Variants in MAEL observed in about 807,000 individuals in gnomAD.
MAEL encodes the protein protein maelstrom homolog.
MAEL carries 46 observed loss-of-function variants against 62.0 expected under a neutral mutation model. That is an observed-to-expected ratio of 0.74 (90% CI 0.59 to 0.95). The LOEUF (loss-of-function observed/expected upper bound fraction) is 0.95, where lower values mean the gene tolerates loss of function less well. Among genes scored for constraint, MAEL ranks in the 40% least tolerant of loss-of-function variants. The pLI, the probability that MAEL is intolerant of heterozygous loss-of-function variation, is 0.00. For synonymous variants in MAEL, 172 were observed against 175.5 expected, an observed-to-expected ratio of 0.98 and a Z score of 0.16; for missense variants, 497 against 526.8, an observed-to-expected ratio of 0.94 and a Z score of 0.55.
At chr1:166,994,094 A>T (rs757495827) in intron 5 of MAEL, 25 bp downstream of exon 5, 1 of 1,604,360 alleles carries the variant, frequency 6.2e-7, no homozygotes, top group East Asian at 2.2e-5. Context: ...ATGGGGTAGG[A>T]TTTGTGACTT....
chr1:166,995,162 A>G (rs1323301713), intron 5 of MAEL, among the ~76,000 whole-genome samples: 1 of 152,022 alleles, frequency 6.6e-6, no homozygotes, highest in African/African-American at 2.4e-5. Context: ...ATATGTACTA[A>G]TTCTTTATTT....
At chr1:166,996,088 C>T (rs947711282) in intron 5 of MAEL, among the ~76,000 whole-genome samples, 7 of 152,192 alleles carry the variant, frequency 4.6e-5, no homozygotes, top group East Asian at 3.9e-4. Context: ...TTGATAATCC[C>T]GGGAAATGTG....
rs75480637 is a variant in MAEL, at chr1:167,019,330, A to G, written c.1041+1371A>G. On this transcript the variant is annotated intron_variant, in intron 10 of 11. Coordinates refer to ENST00000367872, the MANE Select transcript of MAEL (RefSeq NM_032858.3). Reference sequence around the variant, plus strand: ...CTTCATCACCACTATCTGTGTTCACATCATCAGAATTAATCTCAATAATGT... The same window carrying G: ...CTTCATCACCACTATCTGTGTTCACGTCATCAGAATTAATCTCAATAATGT... 2.3e-3 allele frequency among the ~76,000 whole-genome samples: 346 copies of G among 152,278 alleles called. 9 individuals carry two copies. The East Asian group carries it at 0.059, about 26-fold the overall frequency.
intron 5 of MAEL, among the ~76,000 whole-genome samples, chr1:167,001,476 G>C (rs1057203595): frequency 4.6e-5 from 7 of 152,196 alleles, no homozygotes; most frequent in African/African-American, 1.7e-4. Flanking sequence ...TGAAGACTCA[G>C]GTGATCATTC....
At chr1:167,005,555 ATTG>A in intron 8 of MAEL, 158 bp downstream of exon 8, 1 of 619,618 alleles carries the variant, frequency 1.6e-6, no homozygotes, top group African/African-American at 1.9e-5. Context: ...AGTAAGATAT[ATTG>A]TTACTTGTGT....
intron 8 of MAEL, among the ~76,000 whole-genome samples, chr1:167,010,193 A>G (rs924067204): frequency 2.6e-5 from 4 of 152,120 alleles, no homozygotes; most frequent in Admixed American, 6.6e-5. Context: ...CCTTGTGAAG[A>G]AGGTGGCTGC....
intron 8 of MAEL, among the ~76,000 whole-genome samples, chr1:167,012,157 C>A (rs1163446736): frequency 1.3e-5 from 2 of 152,122 alleles, no homozygotes; most frequent in African/African-American, 4.8e-5. Flanking sequence ...GCAAATGAAA[C>A]TTATTCCAAC....
intron 1 of MAEL, among the ~76,000 whole-genome samples, chr1:166,978,488 T>C (rs1217838154): frequency 1.3e-5 from 2 of 152,176 alleles, no homozygotes; most frequent in Non-Finnish European, 2.9e-5. Flanking sequence ...GGTGATGGGA[T>C]ATGGCACCCA....
At chr1:167,006,621 A>ACT (rs1664915269) in intron 8 of MAEL, among the ~76,000 whole-genome samples, 2 of 84,308 alleles carry the variant, frequency 2.4e-5, no homozygotes, top group Non-Finnish European at 4.8e-5. Flanking sequence ...ATATATATAT[A>ACT]TATATATATA....
At chr1:166,990,286 A>G (rs571499848) in intron 2 of MAEL, 1 of 154,260 alleles carries the variant, frequency 6.5e-6, no homozygotes, top group East Asian at 1.9e-4. Flanking sequence ...GACACCTGAA[A>G]CAAAGCCAGC....
intron 1 of MAEL, among the ~76,000 whole-genome samples, chr1:166,980,564 A>G (rs1474418296): frequency 1.3e-5 from 2 of 152,186 alleles, no homozygotes; most frequent in Non-Finnish European, 2.9e-5. Flanking sequence ...GTGAGCAGTT[A>G]ATCAAGTTAA....
At chr1:167,003,511 T>TA (rs900307409) in intron 5 of MAEL, among the ~76,000 whole-genome samples, 12 of 152,198 alleles carry the variant, frequency 7.9e-5, no homozygotes, top group African/African-American at 2.4e-4. Context: ...TTGCTTAAGA[T>TA]ACCTGGGGGC....
At chr1:167,021,200 G>C in intron 11 of MAEL, 40 bp downstream of exon 11, 1 of 1,357,716 alleles carries the variant, frequency 7.4e-7, no homozygotes, top group Non-Finnish European at 1.1e-6. Context: ...CCTAAAGGAT[G>C]TTAGAGCCTA....
intron 10 of MAEL, among the ~76,000 whole-genome samples, chr1:167,018,701 G>C (rs1391670376): frequency 6.6e-6 from 1 of 152,166 alleles, no homozygotes; most frequent in African/African-American, 2.4e-5. Context: ...AAAACAGCTA[G>C]ATTCATCCTA....
chr1:166,994,189 GA>G (rs1664308548), intron 5 of MAEL, 120 bp downstream of exon 5: 7 of 875,934 alleles, frequency 8.0e-6, no homozygotes, highest in Non-Finnish European at 1.2e-5. Context: ...TATTGTTAGA[GA>G]ATCTGCATAG....
upstream of MAEL, among the ~76,000 whole-genome samples, chr1:166,985,010 C>G (rs181966243): frequency 3.3e-5 from 5 of 152,124 alleles, no homozygotes; most frequent in African/African-American, 1.2e-4. Context: ...TAGCTTGAAA[C>G]AAAACTGCAA....
At chr1:166,984,139 C>A (rs2102060106), upstream of MAEL, among the ~76,000 whole-genome samples, 1 of 152,266 alleles carries the variant, frequency 6.6e-6, no homozygotes, top group Admixed American at 6.5e-5. Context: ...AGTAAAAGCA[C>A]TAAGTGCCCA....
chr1:167,014,630 T>C (rs1306494524), intron 8 of MAEL, among the ~76,000 whole-genome samples: 1 of 152,226 alleles, frequency 6.6e-6, no homozygotes, highest in African/African-American at 2.4e-5. Flanking sequence ...AATAAATGTT[T>C]TATTTGTTTC....
Position 166,989,426 on chromosome 1 carries a change from G to A in MAEL, c.74G>A (p.Arg25Gln). 9 of 1,601,324 alleles carry A rather than the reference G, an allele frequency of 5.6e-6. No individual in the cohort carries two copies. Among genetic ancestry groups the A allele is most frequent in the Non-Finnish European group, 7.7e-6 (9 of 1,174,268 alleles). The change falls in exon 1 of 12, where the codon CGA becomes CAA. Residue 25 changes from arginine (R) to glutamine (Q), a missense_variant. Physicochemically the swap from Arg to Gln is conservative, Grantham distance 43. Coordinates refer to ENST00000367872, the MANE Select transcript of MAEL (RefSeq NM_032858.3). ...GAGAAGATCCCCGAACTACGGCGAC[G>A]AGGCCTGCCTGTGGCTCGCGTTGCT... ...VQEKIPELRR[R>Q]GLPVARVADA...
Sources: gnomAD v4.1 joint callset for allele counts (sites outside exome capture counted in the v4.1 genomes callset) on GRCh38, gnomAD v4.1.1 for gene constraint, MANE v1.5 for transcripts, NCBI Gene and HGNC (gene_info 2026-07-23, HGNC 2026-07-21) for gene names.